TAFA1: variants seen among roughly 807,000 people sequenced by gnomAD.
The protein encoded by TAFA1 is chemokine-like protein TAFA-1.
In TAFA1, 4 loss-of-function variants were observed where a neutral mutation model predicts 18.5. That is an observed-to-expected ratio of 0.22 (90% confidence interval 0.11 to 0.49). TAFA1 has a LOEUF of 0.49. Among genes scored for constraint, TAFA1 ranks in the 20% least tolerant of loss-of-function variants. TAFA1 has a pLI of 0.98. For synonymous variants in TAFA1, 56 were observed against 55.2 expected, an observed-to-expected ratio of 1.01 and a Z score of -0.06; for missense variants, 147 against 169.0, an observed-to-expected ratio of 0.87 and a Z score of 0.72.
chr3:68,078,041 G>A (rs1395675260), intron 2 of TAFA1, among the ~76,000 whole-genome samples: 1 of 151,718 alleles, frequency 6.6e-6, no homozygotes, highest in Non-Finnish European at 1.5e-5. Context: ...TTGTAAGCTG[G>A]ATTCCTAGGT....
chr3:68,021,351 A>G (rs555370531), intron 2 of TAFA1, among the ~76,000 whole-genome samples: 1 of 152,260 alleles, frequency 6.6e-6, no homozygotes, highest in South Asian at 2.1e-4. Flanking sequence ...CTCAGACTGG[A>G]TTATAATTGT....
At chr3:68,423,064 AAAAT>A (rs1372381626) in intron 3 of TAFA1, among the ~76,000 whole-genome samples, 4 of 152,122 alleles carry the variant, frequency 2.6e-5, no homozygotes, top group Admixed American at 2.6e-4. Context: ...AAAACAAACA[AAAAT>A]AAATTTCTGG....
chr3:68,039,826 T>C (rs1274010711), intron 2 of TAFA1, among the ~76,000 whole-genome samples: 1 of 152,148 alleles, frequency 6.6e-6, no homozygotes, highest in East Asian at 1.9e-4. Flanking sequence ...TTGCTGGGGC[T>C]TTCTGGGGGA....
intron 3 of TAFA1, among the ~76,000 whole-genome samples, chr3:68,449,528 A>G (rs936891743): frequency 2.0e-5 from 3 of 152,198 alleles, no homozygotes; most frequent in African/African-American, 7.2e-5. Flanking sequence ...AATCTAATTT[A>G]CATATGTGTT....
rs558920819 is a variant in TAFA1 at position 68,252,880 on chromosome 3, C to T, written c.119-164400C>T. 5.9e-5 allele frequency among the ~76,000 whole-genome samples: 9 copies of T among 152,196 alleles called. No homozygotes were observed. The East Asian group carries it at 9.7e-4, about 16-fold the overall frequency. The stretch of plus-strand genomic sequence containing the variant: ...TTGAATCATGGGGGTAAGTCTTTCC[C>T]GTGCTGTTCTCATGATAGTGAATAA... On this transcript the variant is annotated intron_variant, in intron 2 of 4. Coordinates refer to ENST00000478136, the MANE Select transcript of TAFA1 (RefSeq NM_213609.4).
At chr3:68,488,800 T>C (rs961875867) in intron 3 of TAFA1, among the ~76,000 whole-genome samples, 2 of 152,214 alleles carry the variant, frequency 1.3e-5, no homozygotes, top group African/African-American at 4.8e-5. Flanking sequence ...TTGGTGTTGA[T>C]TGATTGTGTT....
chr3:68,269,533 A>G (rs560755323), intron 2 of TAFA1, among the ~76,000 whole-genome samples: 2 of 152,298 alleles, frequency 1.3e-5, no homozygotes, highest in South Asian at 4.1e-4. Flanking sequence ...TTGCCTTTCT[A>G]TGAGTGTTCC....
chr3:68,447,607 GT>G (rs1490175805), intron 3 of TAFA1, among the ~76,000 whole-genome samples: 1 of 152,192 alleles, frequency 6.6e-6, no homozygotes, highest in Non-Finnish European at 1.5e-5. Flanking sequence ...AGTTAGATGG[GT>G]GTGGATGGTA....
At chr3:68,257,204 A>G (rs2067315229) in intron 2 of TAFA1, among the ~76,000 whole-genome samples, 1 of 152,064 alleles carries the variant, frequency 6.6e-6, no homozygotes, top group East Asian at 1.9e-4. Flanking sequence ...CTCATCCCTT[A>G]GATCTCAGCT....
intron 2 of TAFA1, among the ~76,000 whole-genome samples, chr3:68,177,865 C>A (rs756209488): frequency 2.6e-5 from 4 of 152,138 alleles, no homozygotes; most frequent in African/African-American, 9.7e-5. Context: ...TAACCCTGGG[C>A]TGGGCATGGT....
At chr3:68,520,461 G>A (rs1283161834) in intron 3 of TAFA1, among the ~76,000 whole-genome samples, 1 of 152,068 alleles carries the variant, frequency 6.6e-6, no homozygotes, top group Admixed American at 6.5e-5. Context: ...TTCACTATAA[G>A]AGCAACTTCT....
In TAFA1 at chr3:68,430,139, G is replaced by A. The variant is rs554790928; in HGVS notation, c.259+12719G>A. Among the ~76,000 whole-genome samples the A allele has an allele frequency of 4.6e-5, 7 of 151,970 alleles. No homozygotes were observed. In the East Asian group the frequency reaches 1.4e-3, roughly 30 times the overall value. ...ATACAAGTAAACCACACATTCAGAAGGAAAAGAATTCTGTCCTTGGAGAGG... is the reference window on the plus strand; with the variant it reads ...ATACAAGTAAACCACACATTCAGAAAGAAAAGAATTCTGTCCTTGGAGAGG... On this transcript the variant is annotated intron_variant, in intron 3 of 4. Transcript: ENST00000478136.
intron 3 of TAFA1, among the ~76,000 whole-genome samples, chr3:68,530,111 A>G (rs893943111): frequency 1.3e-5 from 2 of 152,166 alleles, no homozygotes; most frequent in Non-Finnish European, 2.9e-5. Context: ...TCTTTATTTT[A>G]TCACTCTTGG....
At chr3:68,464,479 T>C (rs2071845382) in intron 3 of TAFA1, among the ~76,000 whole-genome samples, 1 of 152,014 alleles carries the variant, frequency 6.6e-6, no homozygotes, top group Admixed American at 6.6e-5. Flanking sequence ...GACAGCAGGT[T>C]CAGAATCTCC....
intron 2 of TAFA1, among the ~76,000 whole-genome samples, chr3:68,354,069 A>G (rs899215645): frequency 1.3e-5 from 2 of 151,982 alleles, no homozygotes; most frequent in African/African-American, 2.4e-5. Context: ...AGTTTTGACT[A>G]TAGGGGTTTT....
At chr3:68,039,679 T>C (rs548900284) in intron 2 of TAFA1, among the ~76,000 whole-genome samples, 4 of 152,218 alleles carry the variant, frequency 2.6e-5, no homozygotes, top group Non-Finnish European at 1.5e-5. Flanking sequence ...AAACAAGGAT[T>C]TGAGTCAGGT....
intron 2 of TAFA1, among the ~76,000 whole-genome samples, chr3:68,225,072 C>A (rs1031254040): frequency 6.6e-6 from 1 of 151,606 alleles, no homozygotes; most frequent in African/African-American, 2.4e-5. Flanking sequence ...CCAGGCATGG[C>A]TAATTTTTGT....
rs542651909 is a variant in TAFA1 at position 68,383,326 on chromosome 3, G to A, written c.119-33954G>A. 1.2e-4 allele frequency among the ~76,000 whole-genome samples: 18 copies of A among 152,122 alleles called. 1 individual carries two copies. The highest frequency in any genetic ancestry group is 1.0e-3 in the South Asian group (5 of 4,826). ...GTATGATGTCAGCTGTGGGTTTGTC[G>A]TAGATGGCTCTTATTATTTTGAGGT... On this transcript the variant is annotated intron_variant, in intron 2 of 4. Coordinates refer to ENST00000478136, the MANE Select transcript of TAFA1 (RefSeq NM_213609.4).
intron 2 of TAFA1, among the ~76,000 whole-genome samples, chr3:68,049,183 C>T (rs1329025329): frequency 6.6e-6 from 1 of 152,156 alleles, no homozygotes; most frequent in Non-Finnish European, 1.5e-5. Flanking sequence ...TCTAAGACTG[C>T]TGAAGTTCAT....
Sources: gnomAD v4.1 joint callset for allele counts (sites outside exome capture counted in the v4.1 genomes callset) on GRCh38, gnomAD v4.1.1 for gene constraint, MANE v1.5 for transcripts, NCBI Gene and HGNC (gene_info 2026-07-23, HGNC 2026-07-21) for gene names.